Variants in BEND7 observed in about 807,000 individuals in gnomAD.
The protein encoded by BEND7 is BEN domain-containing protein 7.
Under a neutral mutation model 50.9 loss-of-function variants are expected in BEND7, and 28 were observed. The observed-to-expected ratio is 0.55, with a 90% CI of 0.41 to 0.75. BEND7 has a LOEUF of 0.75. BEND7 is among the 30% of genes least tolerant of loss of function. The pLI is 0.00. For missense variants in BEND7, 477 were observed against 491.3 expected, an observed-to-expected ratio of 0.97 and a Z score of 0.28; for synonymous variants, 170 against 183.9, an observed-to-expected ratio of 0.92 and a Z score of 0.61.
chr10:13,474,259 C>T (rs558717557), intron 6 of BEND7, among the ~76,000 whole-genome samples: 188 of 151,962 alleles, frequency 1.2e-3, no homozygotes, highest in African/African-American at 4.2e-3. Flanking sequence ...CACCCATCAT[C>T]GCCGTTGGAC....
chr10:13,528,890 G>T lies in BEND7; in HGVS notation c.-357C>A, dbSNP rs1197341356. 1 of 144,726 alleles carries T rather than the reference G, an allele frequency of 6.9e-6. No individual in the cohort carries two copies. Among genetic ancestry groups the T allele is most frequent in the African/African-American group, 2.5e-5 (1 of 40,328 alleles). The allele number at this position is 144,726 out of a possible 1,614,324, so 9.0% of individuals were successfully genotyped here. ...TTGGGAGCGGGCCGGGCCGGGGCGC[G>T]GCGGCGGCGGCGGAGGCGGGGGGCG... On this transcript the variant is annotated 5_prime_UTR_variant, in exon 1 of 9. Coordinates refer to ENST00000466271, the MANE Select transcript of BEND7 (RefSeq NM_001369863.1).
chr10:13,517,066 T>C (rs1304516530), intron 2 of BEND7, among the ~76,000 whole-genome samples: 1 of 60,256 alleles, frequency 1.7e-5, no homozygotes, highest in Non-Finnish European at 4.1e-5. Flanking sequence ...TTCTGGTGGC[T>C]TTTTTTTTTT....
chr10:13,528,291 G>A (rs1256885129), intron 1 of BEND7, among the ~76,000 whole-genome samples, 182 bp downstream of exon 1: 2 of 151,782 alleles, frequency 1.3e-5, no homozygotes, highest in Middle Eastern at 3.4e-3. Context: ...TGCTCCCCCC[G>A]CACAACTTTC....
At chr10:13,496,541 T>C (rs907430607) in intron 4 of BEND7, among the ~76,000 whole-genome samples, 3 of 152,204 alleles carry the variant, frequency 2.0e-5, no homozygotes, top group African/African-American at 4.8e-5. Context: ...ATCGAGTACA[T>C]ACACATAATT....
Position 13,447,428 on chromosome 10 carries a change from CAT to C in BEND7, c.1184-114_1184-113del. The C allele has an allele frequency of 2.9e-6, 3 of 1,031,128 alleles. No homozygotes were observed. The Admixed American group carries it at 7.0e-5, about 24-fold the overall frequency. 63.9% of individuals were successfully genotyped at this position (1,031,128 alleles called of 1,614,324 possible). A position where few individuals can be genotyped will look rare whatever the true frequency, so the allele number is the denominator to read the frequency against. On this transcript the variant is annotated intron_variant, in intron 7 of 8. Coordinates refer to ENST00000466271, the MANE Select transcript of BEND7 (RefSeq NM_001369863.1). ...CTCCAGTATACATAACTGTTTTCAC[CAT>C]TCTTTTCTGTTTTCAGCTACCGTTG...
At position 13,495,212 on chromosome 10, in the gene BEND7, T is replaced by C. The variant is rs949866131; in HGVS notation, c.571+1554A>G. ...CTCGGAGAAAAGAATCCGAACATCA[T>C]AAAGTAACCTTTCTTTCTGAGCTCC... On this transcript the variant is annotated intron_variant, in intron 4 of 8. Coordinates refer to ENST00000466271, the MANE Select transcript of BEND7 (RefSeq NM_001369863.1). 4.6e-5 allele frequency among the ~76,000 whole-genome samples: 7 copies of C among 152,358 alleles called. No homozygotes were observed. In the East Asian group the frequency reaches 1.3e-3, roughly 29 times the overall value.
intron 5 of BEND7, among the ~76,000 whole-genome samples, chr10:13,484,603 GA>G (rs1300205274): frequency 3.3e-5 from 5 of 152,200 alleles, no homozygotes; most frequent in African/African-American, 1.2e-4. Flanking sequence ...TCTCTTGACA[GA>G]TTCACAATTT....
intron 4 of BEND7, 100 bp from the exon 5 acceptor site, chr10:13,492,976 G>A (rs1177647845): frequency 1.2e-5 from 17 of 1,366,676 alleles, no homozygotes; most frequent in Non-Finnish European, 1.7e-5. Flanking sequence ...AAACCGAAAC[G>A]AGGAAAACTC....
At position 13,528,717 on chromosome 10, in the gene BEND7, G is replaced by T. The variant is rs1472139223; in HGVS notation, c.-184C>A. On this transcript the variant is annotated 5_prime_UTR_variant, in exon 1 of 9. Coordinates refer to ENST00000466271, the MANE Select transcript of BEND7 (RefSeq NM_001369863.1). ...GAGGAACCACCGCGAGCCGGCTCGG[G>T]GCTGCAGGCGCGGGGCCCGGCGGCG... The T allele has an allele frequency of 6.1e-6, 1 of 163,650 alleles. No homozygotes were observed. Among genetic ancestry groups the T allele is most frequent in the African/African-American group, 2.4e-5 (1 of 41,058 alleles). The allele number at this position is 163,650 out of a possible 1,614,324, so 10.1% of individuals were successfully genotyped here.
At position 13,496,843 on chromosome 10, in the gene BEND7, G is replaced by T. The variant is rs778593853; in HGVS notation, c.494C>A (p.Thr165Asn). ...VNSSAGSNCC[T>N]CNCQSTLQAI... Reference sequence around the variant, plus strand: ...CTGCAACGTTGACTGGCAGTTACAAGTACAGCAGTTTGATCCAGCTGATGA... The same window carrying T: ...CTGCAACGTTGACTGGCAGTTACAATTACAGCAGTTTGATCCAGCTGATGA... The change falls in exon 4 of 9, where the codon ACT becomes AAT. Residue 165 changes from threonine to asparagine, a missense_variant. Physicochemically the swap from Thr to Asn is moderately conservative, Grantham distance 65 (BLOSUM62 0). Transcript: ENST00000466271. 6.3e-7 allele frequency: 1 copy of T among 1,594,784 alleles called. No homozygotes were observed. The highest frequency in any genetic ancestry group is 8.5e-7 in the Non-Finnish European group (1 of 1,170,410).
At chr10:13,443,189 A>G (rs1158842945) in intron 8 of BEND7, 2 of 152,644 alleles carry the variant, frequency 1.3e-5, no homozygotes, top group African/African-American at 2.4e-5. Context: ...GTTATCACAC[A>G]TTACAAAGAA....
At chr10:13,494,224 C>G (rs539849103) in intron 4 of BEND7, among the ~76,000 whole-genome samples, 20 of 152,142 alleles carry the variant, frequency 1.3e-4, no homozygotes, top group Non-Finnish European at 2.2e-4. Context: ...CGAGACCATC[C>G]TGGCCAACAT....
chr10:13,510,280 T>G (rs973797998), intron 2 of BEND7, among the ~76,000 whole-genome samples: 10 of 152,244 alleles, frequency 6.6e-5, no homozygotes, highest in African/African-American at 1.4e-4. Flanking sequence ...ATTCTTTTCC[T>G]TTCTATGTAA....
intron 7 of BEND7, 104 bp downstream of exon 7, chr10:13,452,435 C>A: frequency 1.6e-6 from 2 of 1,279,148 alleles, no homozygotes; most frequent in Admixed American, 2.5e-5. Context: ...GTCTCTCCTT[C>A]AAAAGACAAG....
At chr10:13,469,245 C>G (rs2131442922) in intron 6 of BEND7, among the ~76,000 whole-genome samples, 1 of 152,264 alleles carries the variant, frequency 6.6e-6, no homozygotes, top group South Asian at 2.1e-4. Flanking sequence ...GTGTCAAAAT[C>G]TAACCAAGAG....
chr10:13,466,534 G>C (rs773921006), intron 6 of BEND7, among the ~76,000 whole-genome samples: 3 of 150,828 alleles, frequency 2.0e-5, no homozygotes, highest in Non-Finnish European at 4.4e-5. Context: ...AGTCCAGTCT[G>C]GGTCACAGGG....
At chr10:13,501,676 G>A (rs1182673351) in intron 2 of BEND7, among the ~76,000 whole-genome samples, 3 of 151,964 alleles carry the variant, frequency 2.0e-5, no homozygotes, top group Admixed American at 6.6e-5. Context: ...GAGAAACCCC[G>A]TCTCTACAAA....
At chr10:13,480,515 C>CTT (rs112536172) in intron 6 of BEND7, 520 of 435,228 alleles carry the variant, frequency 1.2e-3, no homozygotes, top group African/African-American at 2.5e-3. Flanking sequence ...TTTACTTTAT[C>CTT]TTTTTTTTTT....
chr10:13,518,800 C>T (rs1316944361), intron 2 of BEND7, among the ~76,000 whole-genome samples: 2 of 152,184 alleles, frequency 1.3e-5, no homozygotes, highest in Non-Finnish European at 2.9e-5. Flanking sequence ...CTCAATATAG[C>T]AGTATACTTT....
Sources: gnomAD v4.1 joint callset for allele counts (sites outside exome capture counted in the v4.1 genomes callset) on GRCh38, gnomAD v4.1.1 for gene constraint, MANE v1.5 for transcripts, NCBI Gene and HGNC (gene_info 2026-07-23, HGNC 2026-07-21) for gene names.